Variants in PCDHA2 observed in about 807,000 individuals in gnomAD.
PCDHA2 encodes protocadherin alpha-2.
PCDHA2 carries 58 observed loss-of-function variants against 66.0 expected under a neutral mutation model. The observed-to-expected ratio is 0.88, with a 90% CI of 0.71 to 1.09. The LOEUF (loss-of-function observed/expected upper bound fraction) is 1.09. PCDHA2 is among the 50% of genes least tolerant of loss of function. PCDHA2 has a pLI of 0.00. For missense variants in PCDHA2, 1,267 were observed against 1,242.3 expected (o/e 1.02, Z -0.30); for synonymous variants, 634 against 554.0 (o/e 1.14, Z -2.03).
At chr5:140,841,320 A>T in intron 1 of PCDHA2, 1 of 1,602,072 alleles carries the variant, frequency 6.2e-7, no homozygotes, top group African/African-American at 1.3e-5. Context: ...CGACTATTTA[A>T]CATGGATTAT....
chr5:140,875,410 A>G (rs1459624657), intron 1 of PCDHA2: 3 of 1,502,000 alleles, frequency 2.0e-6, no homozygotes, highest in African/African-American at 1.4e-5. Flanking sequence ...TGCTCATAAA[A>G]TACCTCAGGC....
intron 1 of PCDHA2, among the ~76,000 whole-genome samples, chr5:140,956,797 G>T (rs1224324866): frequency 6.6e-6 from 1 of 152,040 alleles, no homozygotes; most frequent in Non-Finnish European, 1.5e-5. Flanking sequence ...TGCTTGGTGG[G>T]CTATTTATTA....
chr5:140,926,914 G>A (rs1563085125), intron 1 of PCDHA2: 7 of 1,565,570 alleles, frequency 4.5e-6, no homozygotes, highest in African/African-American at 1.4e-5. Context: ...TGGGGTGGCA[G>A]TTTTATGTTT....
chr5:140,828,245 C>T (rs2150153040), intron 1 of PCDHA2: 1 of 1,613,956 alleles, frequency 6.2e-7, no homozygotes, highest in East Asian at 2.2e-5. Context: ...CGCGCAGGAC[C>T]TGGGGCTGGA....
chr5:140,819,055 C>T (rs1766481614), intron 1 of PCDHA2, among the ~76,000 whole-genome samples: 1 of 152,162 alleles, frequency 6.6e-6, no homozygotes, highest in South Asian at 2.1e-4. Context: ...GTTATACCTT[C>T]CTCTGTGACT....
At chr5:140,860,192 C>CATATATATAT (rs143984774) in intron 1 of PCDHA2, 4 of 146,816 alleles carry the variant, frequency 2.7e-5, no homozygotes, top group African/African-American at 7.5e-5. Context: ...GCTCTCCTTA[C>CATATATATAT]ATATATATCT....
At chr5:140,810,574 T>C (rs1764686543) in intron 1 of PCDHA2, 1 of 152,248 alleles carries the variant, frequency 6.6e-6, no homozygotes, top group African/African-American at 2.4e-5. Context: ...TAAATGAAGT[T>C]GAGTACCTTT....
At chr5:140,869,380 G>A (rs1315666503) in intron 1 of PCDHA2, 1 of 1,614,046 alleles carries the variant, frequency 6.2e-7, no homozygotes, top group African/African-American at 1.3e-5. Context: ...GATCGACCGC[G>A]AGGAGCTGTG....
At chr5:140,804,260 A>G (rs900532290) in intron 1 of PCDHA2, 3 of 152,212 alleles carry the variant, frequency 2.0e-5, no homozygotes, top group South Asian at 2.1e-4. Context: ...GAGAATAACA[A>G]TTGCATTTAG....
intron 1 of PCDHA2, chr5:140,870,188 C>T: frequency 6.2e-7 from 1 of 1,614,142 alleles, no homozygotes; most frequent in Non-Finnish European, 8.5e-7. Flanking sequence ...CGAGAGGACG[C>T]TCAGCCCAGC....
At chr5:140,872,652 T>C (rs1185435042) in intron 1 of PCDHA2, among the ~76,000 whole-genome samples, 2 of 152,142 alleles carry the variant, frequency 1.3e-5, no homozygotes, top group Non-Finnish European at 2.9e-5. Context: ...AGGCAAGAGA[T>C]TTGTCAACTA....
chr5:140,880,747 T>C (rs555658670), intron 1 of PCDHA2, among the ~76,000 whole-genome samples: 16 of 152,334 alleles, frequency 1.1e-4, no homozygotes, highest in African/African-American at 3.8e-4. Context: ...GGATTGTCAG[T>C]GTAACTGCGT....
rs1238840347 is a variant in PCDHA2 at position 140,858,526 on chromosome 5, AT to A, written c.2388+61179del. On this transcript the variant is annotated intron_variant, in intron 1 of 3. Coordinates refer to ENST00000526136, the MANE Select transcript of PCDHA2 (RefSeq NM_018905.3). ...TCTCAAATATGTATCAGAATATTTC[AT>A]TTTTGTCTACATTCCATTTATGCTT... 6.2e-5 allele frequency: 87 copies of A among 1,407,632 alleles called. 5 individuals carry two copies. The highest frequency in any genetic ancestry group is 8.4e-5 in the Non-Finnish European group (85 of 1,016,948). The allele number at this position is 1,407,632 out of a possible 1,614,324, so 87.2% of individuals were successfully genotyped here.
chr5:140,837,576 CA>C (rs1310142916), intron 1 of PCDHA2, among the ~76,000 whole-genome samples: 1 of 151,836 alleles, frequency 6.6e-6, no homozygotes, highest in Non-Finnish European at 1.5e-5. Context: ...TTACAATCAC[CA>C]AATTGTAAAT....
intron 1 of PCDHA2, 66 bp from the exon 2 acceptor site, chr5:140,978,883 T>C: frequency 6.2e-7 from 1 of 1,611,182 alleles, no homozygotes; most frequent in Non-Finnish European, 8.5e-7. Flanking sequence ...ACTAATCAAT[T>C]AGCAGCATTC....
chr5:140,833,151 G>A (rs1260869856), intron 1 of PCDHA2, among the ~76,000 whole-genome samples: 3 of 152,094 alleles, frequency 2.0e-5, no homozygotes, highest in Non-Finnish European at 4.4e-5. Flanking sequence ...GAAGCAATAC[G>A]AATAAAAAGT....
At chr5:140,842,023 T>C (rs1777651230) in intron 1 of PCDHA2, 1 of 1,613,718 alleles carries the variant, frequency 6.2e-7, no homozygotes, top group Non-Finnish European at 8.5e-7. Context: ...CAGTGCTGGA[T>C]GTGAATGATA....
chr5:140,856,441 G>T, intron 1 of PCDHA2: 1 of 1,598,410 alleles, frequency 6.3e-7, no homozygotes, highest in East Asian at 2.2e-5. Flanking sequence ...ACCCGCCCAG[G>T]TTCTCCGTAA....
intron 1 of PCDHA2, chr5:140,852,581 TA>T (rs1417948618): frequency 2.2e-5 from 18 of 832,290 alleles, no homozygotes; most frequent in South Asian, 5.3e-5. Flanking sequence ...AAGGCTTTTT[TA>T]TTTTTTTTTT....
Sources: gnomAD v4.1 joint callset for allele counts (sites outside exome capture counted in the v4.1 genomes callset) on GRCh38, gnomAD v4.1.1 for gene constraint, MANE v1.5 for transcripts, NCBI Gene and HGNC (gene_info 2026-07-23, HGNC 2026-07-21) for gene names.